Variants in CELF4 observed in about 807,000 individuals in gnomAD.
CELF4 encodes the protein CUG-BP- and ETR-3-like factor 4.
In CELF4, 18 loss-of-function variants were observed where a neutral mutation model predicts 59.9. The observed-to-expected ratio is 0.30, with a 90% CI of 0.21 to 0.45. CELF4 has a LOEUF of 0.45. CELF4 is among the 20% of genes least tolerant of loss of function. The pLI is 1.00. For missense variants in CELF4, 456 were observed against 689.0 expected (o/e 0.66, Z 3.79); for synonymous variants, 261 against 267.1 (o/e 0.98, Z 0.22).
At chr18:37,358,511 C>A (rs2098643038) in intron 2 of CELF4, among the ~76,000 whole-genome samples, 1 of 152,144 alleles carries the variant, frequency 6.6e-6, no homozygotes, top group African/African-American at 2.4e-5. Flanking sequence ...ACATTGTGTG[C>A]AATATGGCTA....
chr18:37,532,705 AAG>A (rs2099970515), intron 1 of CELF4, among the ~76,000 whole-genome samples: 1 of 152,208 alleles, frequency 6.6e-6, no homozygotes. Flanking sequence ...TTGTCTATAG[AAG>A]TAACAGCCCC....
At chr18:37,275,008 A>G in intron 4 of CELF4, 107 bp downstream of exon 4, 3 of 1,540,280 alleles carry the variant, frequency 1.9e-6, no homozygotes, top group Non-Finnish European at 1.8e-6. Context: ...GACACCAAGA[A>G]GCCCAGAGAC....
At chr18:37,353,233 A>AAACAT (rs71168258) in intron 2 of CELF4, among the ~76,000 whole-genome samples, 2 of 106,990 alleles carry the variant, frequency 1.9e-5, no homozygotes, top group African/African-American at 7.1e-5. Context: ...AAAAAAAAAA[A>AAACAT]ATATATATAT....
At chr18:37,273,205 G>T in intron 6 of CELF4, 42 bp from the exon 7 acceptor site, 2 of 1,586,826 alleles carry the variant, frequency 1.3e-6, no homozygotes, top group Non-Finnish European at 1.7e-6. Context: ...TGCTTCCAGG[G>T]GGCATCCCTC....
At chr18:37,494,600 T>A (rs987878604) in intron 1 of CELF4, among the ~76,000 whole-genome samples, 2 of 152,186 alleles carry the variant, frequency 1.3e-5, no homozygotes, top group African/African-American at 4.8e-5. Flanking sequence ...ATCTCACCAT[T>A]CTTACACCTC....
In CELF4 at chr18:37,565,742, G is replaced by A; in HGVS notation, c.-101C>T. ...ACACGCACACGCATACACACACTCG[G>A]GTTCTCTCCCCCTCGGTTTCTCTAC... On this transcript the variant is annotated 5_prime_UTR_variant, in exon 1 of 13. Transcript: ENST00000420428. 1 of 948,048 alleles carries A rather than the reference G, an allele frequency of 1.1e-6. No individual in the cohort carries two copies. Among genetic ancestry groups the A allele is most frequent in the Non-Finnish European group, 1.5e-6 (1 of 678,184 alleles). The allele number at this position is 948,048 out of a possible 1,614,324, so 58.7% of individuals were successfully genotyped here.
chr18:37,343,159 A>G (rs1603619928), intron 2 of CELF4, among the ~76,000 whole-genome samples: 5 of 152,346 alleles, frequency 3.3e-5, no homozygotes, highest in Admixed American at 3.3e-4. Flanking sequence ...GTGCTGGGCT[A>G]GCAGCAGTGT....
chr18:37,553,771 C>G (rs2099983943), intron 1 of CELF4, among the ~76,000 whole-genome samples: 1 of 152,128 alleles, frequency 6.6e-6, no homozygotes, highest in South Asian at 2.1e-4. Context: ...GAGCAGCCAA[C>G]ACTGGCCAGG....
At chr18:37,418,144 C>A (rs2099544489) in intron 2 of CELF4, among the ~76,000 whole-genome samples, 1 of 152,214 alleles carries the variant, frequency 6.6e-6, no homozygotes, top group Admixed American at 6.5e-5. Context: ...CCTCTCCCCA[C>A]CAAGTTGGAA....
At chr18:37,435,322 TC>T (rs2099687608) in intron 2 of CELF4, among the ~76,000 whole-genome samples, 1 of 152,144 alleles carries the variant, frequency 6.6e-6, no homozygotes, top group South Asian at 2.1e-4. Flanking sequence ...TGCAGCCCAT[TC>T]CCCAGCCTGT....
chr18:37,389,928 C>T (rs569881568), intron 2 of CELF4, among the ~76,000 whole-genome samples: 9 of 152,334 alleles, frequency 5.9e-5, no homozygotes, highest in Non-Finnish European at 1.3e-4. Flanking sequence ...CTGGACTCCT[C>T]ACGCTCACTC....
intron 1 of CELF4, among the ~76,000 whole-genome samples, chr18:37,551,059 T>C (rs961838624): frequency 2.6e-5 from 4 of 151,868 alleles, no homozygotes; most frequent in Non-Finnish European, 4.4e-5. Context: ...GGGGTTGGGG[T>C]TTGGGACTTG....
intron 3 of CELF4, among the ~76,000 whole-genome samples, chr18:37,298,724 CAAA>C (rs5824047): frequency 4.8e-5 from 6 of 124,326 alleles, no homozygotes; most frequent in Non-Finnish European, 3.4e-5. Context: ...GACTCTATCT[CAAA>C]AAAAAAAAAA....
intron 2 of CELF4, among the ~76,000 whole-genome samples, chr18:37,390,810 G>GGGT (rs1569568525): frequency 1.4e-5 from 2 of 138,646 alleles, no homozygotes; most frequent in East Asian, 5.4e-4. Context: ...GGCGGGGAGG[G>GGGT]GGGGCAGTGC....
intron 2 of CELF4, among the ~76,000 whole-genome samples, chr18:37,479,527 T>C (rs986383876): frequency 6.6e-6 from 1 of 152,196 alleles, no homozygotes; most frequent in Non-Finnish European, 1.5e-5. Context: ...TGAGAGCCAC[T>C]GCCCTAAAAG....
In CELF4 at chr18:37,379,887, T is replaced by C. The variant is rs2154568865; in HGVS notation, c.370-58006A>G. On this transcript the variant is annotated intron_variant, in intron 2 of 12. Coordinates refer to ENST00000420428, the MANE Select transcript of CELF4 (RefSeq NM_020180.4). ...GCAGAGGGGTGGATTAAACATCTGA[T>C]ATTCAGGGAACCTCAGTGAGGGAGG... is the stretch of plus-strand genomic sequence containing the variant. Among the ~76,000 whole-genome samples, 2 of 152,264 alleles carry C rather than the reference T, an allele frequency of 1.3e-5. 1 individual carries two copies. Among genetic ancestry groups the C allele is most frequent in the South Asian group, 4.2e-4 (2 of 4,816 alleles).
chr18:37,528,823 C>T (rs2099966552), intron 1 of CELF4: 1 of 152,128 alleles, frequency 6.6e-6, no homozygotes, highest in Non-Finnish European at 1.5e-5. Flanking sequence ...ACACCACAGT[C>T]TCCTAGTTCA....
At chr18:37,405,782 T>C (rs1376352542) in intron 2 of CELF4, among the ~76,000 whole-genome samples, 1 of 152,074 alleles carries the variant, frequency 6.6e-6, no homozygotes, top group African/African-American at 2.4e-5. Flanking sequence ...AGAGTGCCTG[T>C]GAGATATTAG....
intron 2 of CELF4, among the ~76,000 whole-genome samples, chr18:37,368,611 CTG>C (rs1431052154): frequency 6.6e-6 from 1 of 152,254 alleles, no homozygotes; most frequent in Non-Finnish European, 1.5e-5. Flanking sequence ...TCCTCCTTCT[CTG>C]TGTTGGCAGT....
Sources: allele counts gnomAD v4.1 joint callset (sites outside exome capture counted in the v4.1 genomes callset), GRCh38; gene constraint gnomAD v4.1.1; transcripts MANE v1.5; gene names NCBI Gene and HGNC (gene_info 2026-07-23, HGNC 2026-07-21).